PTPN3: variants seen among roughly 807,000 people sequenced by gnomAD.
The protein encoded by PTPN3 is tyrosine-protein phosphatase non-receptor type 3.
Under a neutral mutation model 132.7 loss-of-function variants are expected in PTPN3, and 96 were observed. The observed-to-expected ratio is 0.72, with a 90% CI of 0.61 to 0.86. The LOEUF (loss-of-function observed/expected upper bound fraction) is 0.86, where lower values mean the gene tolerates loss of function less well. Ranked by LOEUF, PTPN3 falls within the 40% of genes least tolerant of loss-of-function variation. The pLI is 0.00. For missense variants in PTPN3, 1,125 were observed against 1,159.6 expected (o/e 0.97, Z 0.43); for synonymous variants, 398 against 429.0 (o/e 0.93, Z 0.89).
At chr9:109,432,229 A>G (rs900888165) in intron 10 of PTPN3, among the ~76,000 whole-genome samples, 3 of 152,014 alleles carry the variant, frequency 2.0e-5, no homozygotes, top group Non-Finnish European at 4.4e-5. Context: ...CTATGCTCCC[A>G]AGTTGGGGAG....
intron 1 of PTPN3, among the ~76,000 whole-genome samples, chr9:109,475,651 ACAGACACGCC>A (rs1231833068): frequency 3.9e-5 from 6 of 152,236 alleles, no homozygotes; most frequent in African/African-American, 1.4e-4. Flanking sequence ...GCTCTCAGGC[ACAGACACGCC>A]CATTTGGGTG....
chr9:109,467,127 C>G (rs1432792201), intron 1 of PTPN3, among the ~76,000 whole-genome samples: 3 of 152,148 alleles, frequency 2.0e-5, no homozygotes, highest in Non-Finnish European at 2.9e-5. Context: ...AAAATGTCAT[C>G]AGAAGCAGGG....
intron 1 of PTPN3, among the ~76,000 whole-genome samples, chr9:109,469,313 C>T (rs1846254020): frequency 6.6e-6 from 1 of 152,150 alleles, no homozygotes; most frequent in Non-Finnish European, 1.5e-5. Context: ...AAACCCAACT[C>T]CACTATTATA....
intron 9 of PTPN3, among the ~76,000 whole-genome samples, chr9:109,435,528 T>C (rs967328305): frequency 5.3e-5 from 8 of 152,196 alleles, no homozygotes; most frequent in Non-Finnish European, 8.8e-5. Context: ...CAATGCAAGC[T>C]TTGAATTACT....
intron 1 of PTPN3, among the ~76,000 whole-genome samples, chr9:109,466,030 G>A (rs550612188): frequency 6.6e-6 from 1 of 152,150 alleles, no homozygotes; most frequent in East Asian, 1.9e-4. Flanking sequence ...TCACAGATTT[G>A]TGTGACAGAG....
At chr9:109,450,904 A>C in intron 5 of PTPN3, 1 of 985,356 alleles carries the variant, frequency 1.0e-6, no homozygotes, top group Non-Finnish European at 1.2e-6. Context: ...CCACCTCTAT[A>C]CATCTTCTTT....
chr9:109,484,088 G>A (rs1847093278), intron 1 of PTPN3, among the ~76,000 whole-genome samples: 1 of 152,108 alleles, frequency 6.6e-6, no homozygotes, highest in African/African-American at 2.4e-5. Flanking sequence ...TGACATCTAC[G>A]CAGTGAACTA....
At chr9:109,386,075 C>A (rs761367310) in intron 22 of PTPN3, among the ~76,000 whole-genome samples, 4 of 152,190 alleles carry the variant, frequency 2.6e-5, no homozygotes, top group Admixed American at 6.5e-5. Context: ...AATTTCAGCT[C>A]TCAGAGAAAG....
At chr9:109,408,788 A>T (rs1362659568) in intron 16 of PTPN3, among the ~76,000 whole-genome samples, 37 of 52,854 alleles carry the variant, frequency 7.0e-4, no homozygotes, top group Admixed American at 3.3e-3. Context: ...AATTAAAAAA[A>T]AAAAAAAAAT....
chr9:109,536,529 A>G, the PTPN3 span, among the ~76,000 whole-genome samples: 1 of 152,346 alleles, frequency 6.6e-6, no homozygotes, highest in African/African-American at 2.4e-5. Context: ...CTGTATATGT[A>G]TCCAAGGGCA....
At chr9:109,526,277 A>T in the PTPN3 span, among the ~76,000 whole-genome samples, 1 of 152,146 alleles carries the variant, frequency 6.6e-6, no homozygotes, top group Non-Finnish European at 1.5e-5. Flanking sequence ...TATTGATAAG[A>T]TATTAATTTA....
At chr9:109,419,972 A>G (rs1320911051) in intron 14 of PTPN3, among the ~76,000 whole-genome samples, 1 of 152,142 alleles carries the variant, frequency 6.6e-6, no homozygotes, top group Non-Finnish European at 1.5e-5. Flanking sequence ...TGAAAACAAA[A>G]CCCCTCAGAA....
At chr9:109,400,809 C>T (rs1035715671) in intron 19 of PTPN3, among the ~76,000 whole-genome samples, 1 of 152,244 alleles carries the variant, frequency 6.6e-6, no homozygotes, top group Non-Finnish European at 1.5e-5. Context: ...ATAGTAAGTG[C>T]TCATGAAAGC....
chr9:109,454,464 C>CTGT, intron 5 of PTPN3, 32 bp downstream of exon 5: 1 of 1,568,514 alleles, frequency 6.4e-7, no homozygotes, highest in Non-Finnish European at 8.8e-7. Flanking sequence ...TTTTTATACA[C>CTGT]TAAACAGAAA....
upstream of PTPN3, among the ~76,000 whole-genome samples, chr9:109,500,909 C>G (rs1439099550): frequency 8.8e-5 from 12 of 136,004 alleles, no homozygotes; most frequent in African/African-American, 3.4e-4. Flanking sequence ...GCCTGTATGA[C>G]AGAGCGAGAT....
intron 1 of PTPN3, among the ~76,000 whole-genome samples, chr9:109,467,599 AACAG>A (rs1470317379): frequency 6.6e-6 from 1 of 152,206 alleles, no homozygotes; most frequent in Non-Finnish European, 1.5e-5. Flanking sequence ...TGTTCTGTGG[AACAG>A]CTAAAGCAGA....
Position 109,425,740 on chromosome 9 carries a change from C to T in PTPN3, c.1001+1210G>A, listed in dbSNP as rs543696484. Among the ~76,000 whole-genome samples the T allele has an allele frequency of 1.6e-3, 247 of 151,988 alleles. 1 individual carries two copies. The highest frequency in any genetic ancestry group is 2.9e-3 in the Non-Finnish European group (200 of 67,974). On this transcript the variant is annotated intron_variant, in intron 12 of 25. Transcript: ENST00000374541. ...CAAAAAAGAGAGAATAGGCTGGGCA[C>T]GGTGGCTCATGCCTGTAATCCCAGA...
intron 1 of PTPN3, among the ~76,000 whole-genome samples, 180 bp from the exon 2 acceptor site, chr9:109,463,631 T>C (rs982747619): frequency 2.6e-5 from 4 of 152,238 alleles, no homozygotes; most frequent in African/African-American, 2.4e-5. Flanking sequence ...CTAAGCAATA[T>C]GTATTGCTAA....
At chr9:109,517,725 G>A in the PTPN3 span, among the ~76,000 whole-genome samples, 1 of 152,194 alleles carries the variant, frequency 6.6e-6, no homozygotes, top group Non-Finnish European at 1.5e-5. Flanking sequence ...TCTGGTGCTG[G>A]CTGTTCTCCC....
Sources: gnomAD v4.1 joint callset for allele counts (sites outside exome capture counted in the v4.1 genomes callset) on GRCh38, gnomAD v4.1.1 for gene constraint, MANE v1.5 for transcripts, NCBI Gene and HGNC (gene_info 2026-07-23, HGNC 2026-07-21) for gene names.